The following NEMP2 variants were observed in gnomAD, a reference collection of about 807,000 sequenced individuals.
The protein encoded by NEMP2 is UPF0571 transmembrane protein.
NEMP2 carries 53 observed loss-of-function variants against 54.2 expected under a neutral mutation model. The ratio of observed to expected loss-of-function variants is 0.98; its 90% CI spans 0.78 to 1.23. The LOEUF (loss-of-function observed/expected upper bound fraction) is 1.23. NEMP2 is among the 50% of genes most tolerant of loss of function. The pLI, the probability that NEMP2 is intolerant of heterozygous loss-of-function variation, is 0.00. For missense variants in NEMP2, 455 were observed against 511.3 expected (o/e 0.89, Z 1.06); for synonymous variants, 197 against 190.3 (o/e 1.04, Z -0.29).
chr2:190,582,985 C>T, the NEMP2 span, among the ~76,000 whole-genome samples: 1 of 152,142 alleles, frequency 6.6e-6, no homozygotes, highest in Non-Finnish European at 1.5e-5. This position sits in a 1 kb window ranked among gnomAD's most constrained non-coding sequence, Gnocchi z 4.6. Flanking sequence ...ACCAAGTTCT[C>T]ATATAACTAA....
At chr2:190,494,541 A>G in the NEMP2 span, among the ~76,000 whole-genome samples, 1 of 152,172 alleles carries the variant, frequency 6.6e-6, no homozygotes, top group Non-Finnish European at 1.5e-5. The surrounding 1 kb of genome is among the most constrained non-coding windows in gnomAD (Gnocchi z 5.7). Context: ...GAAAGGACAT[A>G]ACAAAAAAAG....
At chr2:190,534,832 C>G (rs1018590661), upstream of NEMP2, 39 of 438,768 alleles carry the variant, frequency 8.9e-5, no homozygotes, top group Non-Finnish European at 1.3e-4. Flanking sequence ...GCTCCAGCCT[C>G]CGCCCGCGGC....
the NEMP2 span, among the ~76,000 whole-genome samples, chr2:190,475,464 G>C: frequency 1.2e-4 from 18 of 152,224 alleles, no homozygotes; most frequent in African/African-American, 4.1e-4. Context: ...ATTCACAATT[G>C]CTTCAAAGAG....
the NEMP2 span, among the ~76,000 whole-genome samples, chr2:190,566,164 T>C: frequency 2.6e-5 from 4 of 152,164 alleles, no homozygotes; most frequent in African/African-American, 4.8e-5. Flanking sequence ...GGATATATAA[T>C]GGTCCATCAC....
chr2:190,534,607 G>GGGGCGGCAGCCA lies in NEMP2; in HGVS notation c.37_48dup (p.Trp13_Pro16dup), dbSNP rs2125361345. ...TCCCCGCGCACGGGCAGTGTGGCCA[G>GGGGCGGCAGCCA]GGGCGGCAGCCAGAGCAGCAGCCAC... On this transcript the variant is annotated inframe_insertion, in exon 1 of 9. Transcript: ENST00000409150. 1 of 1,390,828 alleles carries GGGGCGGCAGCCA rather than the reference G, an allele frequency of 7.2e-7. No individual in the cohort carries two copies. The highest frequency in any genetic ancestry group is 1.5e-5 in the African/African-American group (1 of 66,324). The allele number at this position is 1,390,828 out of a possible 1,614,324, so 86.2% of individuals were successfully genotyped here. A position where few individuals can be genotyped will look rare whatever the true frequency, so the allele number is the denominator to read the frequency against.
the NEMP2 span, among the ~76,000 whole-genome samples, chr2:190,615,265 T>G: frequency 6.6e-6 from 1 of 152,314 alleles, no homozygotes; most frequent in South Asian, 2.1e-4. This position sits in a 1 kb window ranked among gnomAD's most constrained non-coding sequence, Gnocchi z 4.7. Context: ...GATCAGAGGT[T>G]CACACGACTC....
At chr2:190,536,482 G>A (rs1410495570), upstream of NEMP2, among the ~76,000 whole-genome samples, 1 of 152,194 alleles carries the variant, frequency 6.6e-6, no homozygotes. Flanking sequence ...GATAAAGGAA[G>A]GATTTGGCTG....
In NEMP2 at chr2:190,531,892, C is replaced by A. The variant is rs544026619; in HGVS notation, c.97+2667G>T. On this transcript the variant is annotated intron_variant, in intron 1 of 8. Coordinates refer to ENST00000409150, the MANE Select transcript of NEMP2 (RefSeq NM_001142645.2). This position sits in a 1 kb window ranked among gnomAD's most constrained non-coding sequence, Gnocchi z 4.7. ...ATATGCTAAAAATAAAAAGCACAAA[C>A]ACCTCAAATCTTAGCAGAACCTAAC... Among the ~76,000 whole-genome samples, 3 of 152,200 alleles carry A rather than the reference C, an allele frequency of 2.0e-5. No homozygotes were observed. The highest frequency in any genetic ancestry group is 7.2e-5 in the African/African-American group (3 of 41,524).
chr2:190,540,370 A>AC, the NEMP2 span, among the ~76,000 whole-genome samples: 1 of 151,330 alleles, frequency 6.6e-6, no homozygotes, highest in Non-Finnish European at 1.5e-5. Flanking sequence ...TGCAGCCTCA[A>AC]CCCCCCAGGC....
chr2:190,538,195 A>C (rs1055542271), upstream of NEMP2, among the ~76,000 whole-genome samples: 22 of 149,366 alleles, frequency 1.5e-4, no homozygotes, highest in Non-Finnish European at 3.0e-4. The surrounding 1 kb of genome is among the most constrained non-coding windows in gnomAD (Gnocchi z 4.1). Flanking sequence ...GTTTTTTTTT[A>C]GCTCCCACAT....
the NEMP2 span, among the ~76,000 whole-genome samples, chr2:190,595,241 AC>A: frequency 1.3e-4 from 20 of 152,346 alleles, no homozygotes; most frequent in East Asian, 2.9e-3. This position sits in a 1 kb window ranked among gnomAD's most constrained non-coding sequence, Gnocchi z 4.0. Context: ...TACACCTTAT[AC>A]AAAAATTAAC....
the NEMP2 span, among the ~76,000 whole-genome samples, chr2:190,593,098 T>C: frequency 2.0e-5 from 3 of 152,128 alleles, no homozygotes; most frequent in Non-Finnish European, 2.9e-5. This position sits in a 1 kb window ranked among gnomAD's most constrained non-coding sequence, Gnocchi z 4.5. Flanking sequence ...TTTCTCTCAA[T>C]TGGCTATGTC....
chr2:190,477,409 A>G, the NEMP2 span: 1 of 940,380 alleles, frequency 1.1e-6, no homozygotes, highest in African/African-American at 1.8e-5. Flanking sequence ...ATGACTATAT[A>G]TTATAATAAT....
At chr2:190,467,602 G>C in the NEMP2 span, among the ~76,000 whole-genome samples, 3 of 152,136 alleles carry the variant, frequency 2.0e-5, no homozygotes, top group Non-Finnish European at 4.4e-5. This position sits in a 1 kb window ranked among gnomAD's most constrained non-coding sequence, Gnocchi z 5.5. Context: ...AACAGAGCGA[G>C]ACTCTGTCTC....
At position 190,507,847 on chromosome 2, in the gene NEMP2, C is replaced by T. The variant is rs1416032413; in HGVS notation, c.*1342G>A. On this transcript the variant is annotated 3_prime_UTR_variant, in exon 9 of 9. Transcript: ENST00000409150. This position sits in a 1 kb window ranked among gnomAD's most constrained non-coding sequence, Gnocchi z 4.4. ...CAGTGCCAAAATTCTGTCTATCCTT[C>T]GCCCATAACCTTTGTCCTGATAAAA... 6.6e-6 allele frequency: 1 copy of T among 152,146 alleles called. No individual in the cohort carries two copies. The highest frequency in any genetic ancestry group is 1.5e-5 in the Non-Finnish European group (1 of 68,030). 9.4% of individuals were successfully genotyped at this position (152,146 alleles called of 1,614,324 possible). A position where few individuals can be genotyped will look rare whatever the true frequency, so the allele number is the denominator to read the frequency against.
At position 190,525,932 on chromosome 2, in the gene NEMP2, C is replaced by T. The variant is rs959609778; in HGVS notation, c.98-554G>A. On this transcript the variant is annotated intron_variant, in intron 1 of 8. Transcript: ENST00000409150. The surrounding 1 kb of genome is among the most constrained non-coding windows in gnomAD (Gnocchi z 5.0). Reference sequence around the variant, plus strand: ...TAGCTACTACTATACCATGTGGACTCCATCTTGAAAGCAGAGCATTGGAGG... The same window carrying T: ...TAGCTACTACTATACCATGTGGACTTCATCTTGAAAGCAGAGCATTGGAGG... 6.6e-6 allele frequency among the ~76,000 whole-genome samples: 1 copy of T among 152,156 alleles called. No homozygotes were observed. Among genetic ancestry groups the T allele is most frequent in the Non-Finnish European group, 1.5e-5 (1 of 68,032 alleles).
the NEMP2 span, among the ~76,000 whole-genome samples, chr2:190,635,139 C>A: frequency 6.6e-6 from 1 of 152,236 alleles, no homozygotes. The surrounding 1 kb of genome is among the most constrained non-coding windows in gnomAD (Gnocchi z 4.1). Flanking sequence ...ATTGCAGCAA[C>A]AATGGTTGTT....
At chr2:190,456,857 T>C in the NEMP2 span, among the ~76,000 whole-genome samples, 6 of 152,334 alleles carry the variant, frequency 3.9e-5, no homozygotes, top group South Asian at 2.1e-4. This position sits in a 1 kb window ranked among gnomAD's most constrained non-coding sequence, Gnocchi z 5.4. Flanking sequence ...AGAATTTTGC[T>C]TCTGGGTAAG....
the NEMP2 span, among the ~76,000 whole-genome samples, chr2:190,579,186 T>C: frequency 6.6e-6 from 1 of 152,078 alleles, no homozygotes; most frequent in Non-Finnish European, 1.5e-5. Flanking sequence ...TTCTGTGCCT[T>C]GGTTCCCAAT....
Sources: gnomAD v4.1 joint callset for allele counts (sites outside exome capture counted in the v4.1 genomes callset) on GRCh38, gnomAD v4.1.1 for gene constraint, Gnocchi (gnomAD v3.1) non-coding constraint, MANE v1.5 for transcripts, NCBI Gene and HGNC (gene_info 2026-07-23, HGNC 2026-07-21) for gene names.